RGSL1: variants seen among roughly 807,000 people sequenced by gnomAD.
RGSL1 encodes regulator of G protein signaling protein-like.
A neutral mutation model predicts 124.7 loss-of-function variants in RGSL1; 97 were observed. The observed-to-expected ratio is 0.78, with a 90% CI of 0.66 to 0.92. The LOEUF (loss-of-function observed/expected upper bound fraction) is 0.92. RGSL1 is among the 40% of genes least tolerant of loss of function. The pLI is 0.00. For missense variants in RGSL1, 1,233 were observed against 1,288.4 expected (o/e 0.96, Z 0.66); for synonymous variants, 424 against 438.1 (o/e 0.97, Z 0.40).
At chr1:182,503,350 T>A (rs1656545147) in intron 9 of RGSL1, among the ~76,000 whole-genome samples, 1 of 151,950 alleles carries the variant, frequency 6.6e-6, no homozygotes, top group South Asian at 2.1e-4. Flanking sequence ...GATGAATTGA[T>A]AAAGAAAATG....
intron 21 of RGSL1, among the ~76,000 whole-genome samples, chr1:182,557,387 G>A (rs1181269026): frequency 6.6e-6 from 1 of 152,174 alleles, no homozygotes; most frequent in African/African-American, 2.4e-5. Flanking sequence ...GTGGAATTGA[G>A]GTAACAGGGA....
intron 9 of RGSL1, among the ~76,000 whole-genome samples, chr1:182,521,137 A>G (rs1281261499): frequency 6.6e-6 from 1 of 152,206 alleles, no homozygotes; most frequent in African/African-American, 2.4e-5. Context: ...TGGTGTCATC[A>G]TAGCTCACTG....
chr1:182,515,165 A>C (rs1657768089), intron 9 of RGSL1, among the ~76,000 whole-genome samples: 1 of 152,118 alleles, frequency 6.6e-6, no homozygotes, highest in African/African-American at 2.4e-5. Flanking sequence ...GAAAATAGGA[A>C]TTGTTCGCAC....
chr1:182,485,693 G>A (rs1655045946), intron 6 of RGSL1, among the ~76,000 whole-genome samples: 2 of 152,188 alleles, frequency 1.3e-5, no homozygotes, highest in African/African-American at 4.8e-5. Flanking sequence ...CAGAGCCAGT[G>A]TCCAGATTCC....
chr1:182,455,891 TAAC>T (rs998830474), intron 2 of RGSL1, among the ~76,000 whole-genome samples: 21 of 152,006 alleles, frequency 1.4e-4, no homozygotes, highest in African/African-American at 4.4e-4. Context: ...AGTAAAGGAG[TAAC>T]ATGTTCAGAC....
chr1:182,557,832 G>T (rs1269813740), intron 21 of RGSL1, among the ~76,000 whole-genome samples: 1 of 152,146 alleles, frequency 6.6e-6, no homozygotes, highest in Non-Finnish European at 1.5e-5. Flanking sequence ...TCCCTTCAAA[G>T]ATCCCAGATC....
At chr1:182,517,915 G>C (rs1434584680) in intron 9 of RGSL1, among the ~76,000 whole-genome samples, 1 of 151,636 alleles carries the variant, frequency 6.6e-6, no homozygotes, top group South Asian at 2.1e-4. Flanking sequence ...GAAGATTGTG[G>C]TTCTCTGTTT....
chr1:182,449,003 AC>A, upstream of RGSL1, among the ~76,000 whole-genome samples: 1 of 152,134 alleles, frequency 6.6e-6, no homozygotes, highest in East Asian at 1.9e-4. Flanking sequence ...TTAGGAGGAG[AC>A]CTTGACTCTA....
At chr1:182,472,003 C>A (rs80001193) in intron 4 of RGSL1, among the ~76,000 whole-genome samples, 2 of 152,170 alleles carry the variant, frequency 1.3e-5, no homozygotes, top group African/African-American at 4.8e-5. Context: ...TAGTCTTTGG[C>A]ATCTTTTGGC....
intron 6 of RGSL1, among the ~76,000 whole-genome samples, chr1:182,488,040 T>G (rs764641656): frequency 1.3e-5 from 2 of 152,338 alleles, no homozygotes; most frequent in East Asian, 1.9e-4. Flanking sequence ...ATTTGTCATC[T>G]CTCTTCTTAA....
chr1:182,559,196 C>T (rs1661032647), intron 21 of RGSL1, among the ~76,000 whole-genome samples: 1 of 152,146 alleles, frequency 6.6e-6, no homozygotes, highest in Admixed American at 6.5e-5. Flanking sequence ...GCTTGAGATC[C>T]CTAGCCCCTA....
At chr1:182,547,852 C>T (rs1660313708) in intron 15 of RGSL1, among the ~76,000 whole-genome samples, 1 of 150,114 alleles carries the variant, frequency 6.7e-6, no homozygotes, top group South Asian at 2.1e-4. Flanking sequence ...CAGAGTGAGA[C>T]TCCATCTCAA....
In RGSL1 at chr1:182,549,028, A is replaced by G. The variant is rs76066487; in HGVS notation, c.2933+204A>G. On this transcript the variant is annotated intron_variant, in intron 17 of 21. Coordinates refer to ENST00000294854, the MANE Select transcript of RGSL1 (RefSeq NM_001137669.2). ...TGAATCCACAGATGGAAGGCAGAGT[A>G]AGACTGAGAGCCAAACGCCTGGTTT... 1,612 of 559,844 alleles carry G rather than the reference A, an allele frequency of 2.9e-3. 24 individuals carry two copies. Among genetic ancestry groups the G allele is most frequent in the African/African-American group, 0.028 (1,474 of 52,692 alleles). 34.7% of individuals were successfully genotyped at this position (559,844 alleles called of 1,614,324 possible). A position where few individuals can be genotyped will look rare whatever the true frequency, so the allele number is the denominator to read the frequency against.
chr1:182,531,309 AACCAGAG>A (rs1352599695), intron 13 of RGSL1, among the ~76,000 whole-genome samples: 1 of 152,208 alleles, frequency 6.6e-6, no homozygotes, highest in Admixed American at 6.5e-5. Flanking sequence ...CAGACAAACA[AACCAGAG>A]AGAGAATGCA....
chr1:182,543,672 A>G (rs1319757727), intron 15 of RGSL1, among the ~76,000 whole-genome samples: 2 of 151,940 alleles, frequency 1.3e-5, no homozygotes, highest in Non-Finnish European at 2.9e-5. Context: ...AGGTCCTGGC[A>G]TTTTCTTTGA....
intron 9 of RGSL1, among the ~76,000 whole-genome samples, chr1:182,506,078 C>G (rs1010586837): frequency 1.3e-5 from 2 of 152,170 alleles, no homozygotes; most frequent in Non-Finnish European, 2.9e-5. Flanking sequence ...AATTTAATCA[C>G]AGATTTAATC....
chr1:182,492,176 A>AT (rs1180798313), intron 8 of RGSL1, among the ~76,000 whole-genome samples: 2 of 151,976 alleles, frequency 1.3e-5, no homozygotes, highest in Non-Finnish European at 2.9e-5. Flanking sequence ...AGGGGCTTCA[A>AT]TTTTTTTTGA....
chr1:182,499,622 T>C (rs1656202870), intron 9 of RGSL1, among the ~76,000 whole-genome samples: 1 of 152,244 alleles, frequency 6.6e-6, no homozygotes, highest in Non-Finnish European at 1.5e-5. Flanking sequence ...CTTGCTTTTT[T>C]ATCCAGCCTG....
chr1:182,455,352 TG>T (rs572531733), intron 2 of RGSL1, among the ~76,000 whole-genome samples: 1 of 151,796 alleles, frequency 6.6e-6, no homozygotes, highest in African/African-American at 2.4e-5. Flanking sequence ...GAGGCCAAGG[TG>T]GGGGGATCAC....
Sources: gnomAD v4.1 joint callset for allele counts (sites outside exome capture counted in the v4.1 genomes callset) on GRCh38, gnomAD v4.1.1 for gene constraint, MANE v1.5 for transcripts, NCBI Gene and HGNC (gene_info 2026-07-23, HGNC 2026-07-21) for gene names.